The following TPO variants were observed in gnomAD, a reference collection of about 807,000 sequenced individuals.
The protein encoded by TPO is thyroid peroxidase, also known as thyroid microsomal antigen.
In TPO, 78 loss-of-function variants were observed where a neutral mutation model predicts 96.9. The observed-to-expected ratio is 0.81, with a 90% CI of 0.67 to 0.97. The LOEUF (loss-of-function observed/expected upper bound fraction) is 0.97, where lower values mean the gene tolerates loss of function less well. TPO is among the 50% of genes least tolerant of loss of function. The probability of loss-of-function intolerance (pLI) is 0.00; values close to 1 mark genes in which losing one functional copy is unlikely to be tolerated. For missense variants in TPO, 1,252 were observed against 1,274.8 expected, an observed-to-expected ratio of 0.98 and a Z score of 0.27; for synonymous variants, 547 against 538.0, an observed-to-expected ratio of 1.02 and a Z score of -0.23.
intron 1 of TPO, among the ~76,000 whole-genome samples, chr2:1,408,425 G>A (rs976606448): frequency 8.5e-5 from 13 of 152,186 alleles, no homozygotes; most frequent in Non-Finnish European, 8.8e-5. Flanking sequence ...ACCCAGCCTT[G>A]GAAGCACTGA....
chr2:1,394,677 A>T (rs1203905498), intron 1 of TPO, among the ~76,000 whole-genome samples: 1 of 152,218 alleles, frequency 6.6e-6, no homozygotes, highest in African/African-American at 2.4e-5. Flanking sequence ...TCCTGGACGC[A>T]TGGACCGAGC....
rs1558264067 is a variant in TPO, at chr2:1,422,309, C to CCTGGACCGACCTCGTGCAGGTGCCGCG, written c.95-730_95-729insCGACCTCGTGCAGGTGCCGCGCTGGAC. On this transcript the variant is annotated intron_variant, in intron 2 of 16. Coordinates refer to ENST00000329066, the MANE Select transcript of TPO (RefSeq NM_001206744.2). ...CCTTGAAGACCCCGCAGGCGCCTCT[C>CCTGGACCGACCTCGTGCAGGTGCCGCG]CTGGACAGACCTCGTGCAGGCGCCT... is the stretch of plus-strand genomic sequence containing the variant. 2.9e-4 allele frequency among the ~76,000 whole-genome samples: 31 copies of CCTGGACCGACCTCGTGCAGGTGCCGCG among 105,828 alleles called. 1 individual carries two copies. Among genetic ancestry groups the CCTGGACCGACCTCGTGCAGGTGCCGCG allele is most frequent in the East Asian group, 1.6e-3 (6 of 3,700 alleles). 69.4% of individuals were successfully genotyped at this position (105,828 alleles called of 152,430 possible).
chr2:1,484,722 G>A lies in TPO; in HGVS notation c.1465G>A (p.Ala489Thr), dbSNP rs755919271. 23 of 1,613,922 alleles carry A rather than the reference G, an allele frequency of 1.4e-5. No homozygotes were observed. Among genetic ancestry groups the A allele is most frequent in the Admixed American group, 1.2e-4 (7 of 59,988 alleles). The change falls in exon 9 of 17, where the codon GCC becomes ACC. Residue 489 changes from alanine (A) to threonine (T), a missense_variant. Transcript: ENST00000329066. The part of the protein sequence containing the change: ...PTVSNVFSTA[A>T]FRFGHATIHP... Reference sequence around the variant, plus strand: ...TGTGTCCAACGTGTTCTCCACAGCCGCCTTCCGCTTCGGCCATGCCACGAT... The same window carrying A: ...TGTGTCCAACGTGTTCTCCACAGCCACCTTCCGCTTCGGCCATGCCACGAT...
At chr2:1,538,779 G>A (rs1317408696) in intron 15 of TPO, among the ~76,000 whole-genome samples, 2 of 152,160 alleles carry the variant, frequency 1.3e-5, no homozygotes, top group Non-Finnish European at 2.9e-5. Flanking sequence ...AGCAACAGAC[G>A]TTGATGTTCT....
At chr2:1,451,775 A>G (rs973201937) in intron 5 of TPO, among the ~76,000 whole-genome samples, 3 of 151,864 alleles carry the variant, frequency 2.0e-5, no homozygotes, top group African/African-American at 7.3e-5. Context: ...AACAAAAGGA[A>G]CCTACTTTTT....
At chr2:1,488,070 C>A in intron 10 of TPO, 79 bp downstream of exon 10, 1 of 1,593,400 alleles carries the variant, frequency 6.3e-7, no homozygotes, top group South Asian at 1.1e-5. Flanking sequence ...GCTAGAGAGA[C>A]TGATTTAGAG....
At chr2:1,537,134 T>C in intron 15 of TPO, among the ~76,000 whole-genome samples, 2 of 67,824 alleles carry the variant, frequency 2.9e-5, no homozygotes, top group Non-Finnish European at 5.2e-5. Flanking sequence ...ATGTGCAACC[T>C]CCGCAAATAC....
intron 5 of TPO, among the ~76,000 whole-genome samples, chr2:1,448,462 C>A (rs1288043123): frequency 1.3e-5 from 2 of 152,216 alleles, no homozygotes; most frequent in Admixed American, 1.3e-4. Context: ...CCTTCCTCAT[C>A]TGTAATGTGG....
At chr2:1,402,726 C>A (rs1002353169) in intron 1 of TPO, among the ~76,000 whole-genome samples, 26 of 152,220 alleles carry the variant, frequency 1.7e-4, no homozygotes, top group South Asian at 8.3e-4. Context: ...ACCAGGAGAA[C>A]AGTAGGGGGA....
intron 1 of TPO, among the ~76,000 whole-genome samples, chr2:1,385,987 G>A (rs976593147): frequency 8.5e-5 from 13 of 152,124 alleles, no homozygotes; most frequent in South Asian, 2.1e-4. Context: ...TAGTCATTCA[G>A]GAGCAGGTTG....
At chr2:1,453,845 A>G (rs780910031) in intron 6 of TPO, 22 bp downstream of exon 6, 7 of 1,613,488 alleles carry the variant, frequency 4.3e-6, no homozygotes, top group South Asian at 2.2e-5. Context: ...GAACGCTACT[A>G]TCCTGGACTA....
intron 5 of TPO, among the ~76,000 whole-genome samples, chr2:1,441,056 A>G (rs1032785577): frequency 4.0e-5 from 6 of 151,676 alleles, no homozygotes; most frequent in African/African-American, 1.5e-4. Flanking sequence ...GGAACAGGGC[A>G]GGGTCCTTCT....
At chr2:1,384,439 T>C (rs1661856346) in intron 1 of TPO, among the ~76,000 whole-genome samples, 2 of 152,158 alleles carry the variant, frequency 1.3e-5, no homozygotes, top group Admixed American at 6.5e-5. Flanking sequence ...CCCTTGTAAG[T>C]TGGATTCCTA....
At chr2:1,451,854 C>T (rs1331326449) in intron 5 of TPO, among the ~76,000 whole-genome samples, 2 of 152,152 alleles carry the variant, frequency 1.3e-5, no homozygotes, top group African/African-American at 4.8e-5. Context: ...ATATTTCCTT[C>T]CAAATGCAGA....
At chr2:1,403,128 T>C (rs1662196550) in intron 1 of TPO, among the ~76,000 whole-genome samples, 1 of 152,224 alleles carries the variant, frequency 6.6e-6, no homozygotes, top group Admixed American at 6.5e-5. Context: ...ACCTAAGCCC[T>C]TTTTTTAAGT....
intron 1 of TPO, among the ~76,000 whole-genome samples, chr2:1,400,583 A>AG (rs1300610053): frequency 1.6e-4 from 24 of 148,740 alleles, no homozygotes; most frequent in African/African-American, 5.9e-4. Context: ...AAAAAAAAAA[A>AG]AAAAAGAAAT....
intron 14 of TPO, among the ~76,000 whole-genome samples, chr2:1,509,214 C>T (rs192585326): frequency 6.6e-6 from 1 of 152,334 alleles, no homozygotes; most frequent in Non-Finnish European, 1.5e-5. Flanking sequence ...GTTTCTGAAT[C>T]CTGAGTTCTA....
intron 15 of TPO, among the ~76,000 whole-genome samples, chr2:1,532,986 CT>C (rs1678670851): frequency 2.7e-5 from 3 of 112,532 alleles, no homozygotes; most frequent in Non-Finnish European, 5.5e-5. Context: ...CCCCAAATCC[CT>C]CCCACTGTGT....
In TPO at chr2:1,414,438, G is replaced by GCTGGTTATGGCCTGCACAGA. The variant is rs774713681; in HGVS notation, c.31_50dup (p.Glu17AspfsTer77). 62 of 1,613,846 alleles carry GCTGGTTATGGCCTGCACAGA rather than the reference G, an allele frequency of 3.8e-5. No homozygotes were observed. The highest frequency in any genetic ancestry group is 5.2e-5 in the Non-Finnish European group (61 of 1,179,968). ...GAGCGCTCGCTGTGCTGTCTGTCAC[G>GCTGGTTATGGCCTGCACAGA]CTGGTTATGGCCTGCACAGAAGCCT... On this transcript the variant is annotated frameshift_variant, in exon 2 of 17. Coordinates refer to ENST00000329066, the MANE Select transcript of TPO (RefSeq NM_001206744.2). LOFTEE classifies it high-confidence loss of function.
Sources: gnomAD v4.1 joint callset for allele counts (sites outside exome capture counted in the v4.1 genomes callset) on GRCh38, gnomAD v4.1.1 for gene constraint, MANE v1.5 for transcripts, NCBI Gene and HGNC (gene_info 2026-07-23, HGNC 2026-07-21) for gene names.